The following SPMAP2 variants were observed in gnomAD, a reference collection of about 807,000 sequenced individuals.
SPMAP2 encodes the protein Theg homolog.
At chr19:371,133 A>AGC in the SPMAP2 span, 1 of 891,298 alleles carries the variant, frequency 1.1e-6, no homozygotes, top group Non-Finnish European at 1.6e-6. Flanking sequence ...CCAAACGCAA[A>AGC]GCCTCTTTCA....
the SPMAP2 span, chr19:362,252 G>A: frequency 6.3e-7 from 1 of 1,578,764 alleles, no homozygotes; most frequent in Non-Finnish European, 8.6e-7. Context: ...TTTTGGGGGT[G>A]GCAAGCTCAT....
the SPMAP2 span, among the ~76,000 whole-genome samples, chr19:372,892 T>G: frequency 6.6e-6 from 1 of 152,176 alleles, no homozygotes; most frequent in African/African-American, 2.4e-5. Flanking sequence ...TTAGGGACAA[T>G]GGGCTCAGAG....
the SPMAP2 span, chr19:362,344 G>A: frequency 6.2e-7 from 1 of 1,610,802 alleles, no homozygotes; most frequent in Non-Finnish European, 8.5e-7. Flanking sequence ...TCCGGGGGCT[G>A]GCCACCACCT....
At chr19:362,461 C>T in the SPMAP2 span, 1 of 1,513,438 alleles carries the variant, frequency 6.6e-7, no homozygotes, top group Admixed American at 1.9e-5. Context: ...AGCACTGAAG[C>T]TCAAACCTCA....
At chr19:367,073 T>C in the SPMAP2 span, 1 of 1,612,784 alleles carries the variant, frequency 6.2e-7, no homozygotes, top group Non-Finnish European at 8.5e-7. Context: ...ACTGGCCAAG[T>C]GAAGGAGGCG....
At chr19:373,577 G>C in the SPMAP2 span, 2 of 1,587,560 alleles carry the variant, frequency 1.3e-6, no homozygotes, top group African/African-American at 1.3e-5. Flanking sequence ...GAGAGCCCTG[G>C]CCCTGCCCGG....
chr19:375,091 C>T, the SPMAP2 span, among the ~76,000 whole-genome samples: 3 of 152,102 alleles, frequency 2.0e-5, no homozygotes, highest in East Asian at 1.9e-4. Context: ...GCAGGGACCA[C>T]GCTGCAGGGA....
At chr19:374,347 AGCCTCCTCC>A in the SPMAP2 span, 1 of 1,613,994 alleles carries the variant, frequency 6.2e-7, no homozygotes, top group Non-Finnish European at 8.5e-7. Context: ...CAGCTCCATG[AGCCTCCTCC>A]GCCTCCTCCT....
the SPMAP2 span, chr19:375,628 A>G: frequency 6.6e-7 from 1 of 1,521,272 alleles, no homozygotes; most frequent in Non-Finnish European, 8.8e-7. Context: ...GCCCTACCCC[A>G]CCGCACCCAG....
the SPMAP2 span, chr19:375,940 T>C: frequency 6.9e-7 from 1 of 1,447,496 alleles, no homozygotes; most frequent in Non-Finnish European, 9.1e-7. Flanking sequence ...CTGGGCTGGT[T>C]CCCGAGTGAC....
chr19:364,563 C>T, the SPMAP2 span, among the ~76,000 whole-genome samples: 2 of 151,878 alleles, frequency 1.3e-5, no homozygotes, highest in Non-Finnish European at 1.5e-5. Flanking sequence ...ACTCAGGGGG[C>T]CACAGCCAAG....
chr19:371,699 G>A, the SPMAP2 span, among the ~76,000 whole-genome samples: 4 of 152,158 alleles, frequency 2.6e-5, no homozygotes, highest in South Asian at 2.1e-4. Context: ...AGAGCCTGGC[G>A]TGAGCACTTG....
the SPMAP2 span, among the ~76,000 whole-genome samples, chr19:364,160 C>G: frequency 1.3e-5 from 2 of 149,206 alleles, no homozygotes; most frequent in Non-Finnish European, 3.0e-5. Flanking sequence ...GGTGAAATCC[C>G]ATCTCTACTA....
chr19:373,272 T>A, the SPMAP2 span, among the ~76,000 whole-genome samples: 1 of 152,164 alleles, frequency 6.6e-6, no homozygotes, highest in African/African-American at 2.4e-5. Flanking sequence ...GGCCCTATCC[T>A]AGAGAGTGTT....
chr19:370,668 C>G, the SPMAP2 span, among the ~76,000 whole-genome samples: 2 of 152,154 alleles, frequency 1.3e-5, no homozygotes, highest in African/African-American at 2.4e-5. Flanking sequence ...TCAGTTTTAT[C>G]GTAACAGTCC....
At chr19:373,901 C>T in the SPMAP2 span, 181 of 1,596,512 alleles carry the variant, frequency 1.1e-4, no homozygotes, top group Non-Finnish European at 1.5e-4. Flanking sequence ...ACACGTGTCC[C>T]CCAGCATAGG....
chr19:374,378 T>C, the SPMAP2 span: 1 of 1,614,136 alleles, frequency 6.2e-7, no homozygotes, highest in Non-Finnish European at 8.5e-7. Flanking sequence ...TTCCTTGCTT[T>C]GGTCATGGTG....
At chr19:364,667 G>A in the SPMAP2 span, among the ~76,000 whole-genome samples, 1 of 152,136 alleles carries the variant, frequency 6.6e-6, no homozygotes, top group Non-Finnish European at 1.5e-5. Flanking sequence ...GTGGGTCGGG[G>A]CAGGAGGCAT....
At chr19:368,029 C>T in the SPMAP2 span, among the ~76,000 whole-genome samples, 6 of 152,052 alleles carry the variant, frequency 3.9e-5, no homozygotes, top group African/African-American at 1.4e-4. This position sits in a 1 kb window ranked among gnomAD's most constrained non-coding sequence, Gnocchi z 4.1. Flanking sequence ...GGAGACCTTG[C>T]GGACGTTTCA....
Sources: gnomAD v4.1 joint callset for allele counts (sites outside exome capture counted in the v4.1 genomes callset) on GRCh38, gnomAD v4.1.1 for gene constraint, Gnocchi (gnomAD v3.1) non-coding constraint, MANE v1.5 for transcripts, NCBI Gene and HGNC (gene_info 2026-07-23, HGNC 2026-07-21) for gene names.